Variants in RPL3L observed in about 807,000 individuals in gnomAD.
RPL3L encodes the protein ribosomal protein uL3-like.
Under a neutral mutation model 44.5 loss-of-function variants are expected in RPL3L, and 44 were observed. The ratio of observed to expected loss-of-function variants is 0.99; its 90% CI spans 0.78 to 1.27. RPL3L has a LOEUF of 1.27. Ranked by LOEUF, RPL3L falls within the 50% of genes most tolerant of loss-of-function variation. The pLI is 0.00. For missense variants in RPL3L, 631 were observed against 569.1 expected, an observed-to-expected ratio of 1.11 and a Z score of -1.11; for synonymous variants, 292 against 230.7, an observed-to-expected ratio of 1.27 and a Z score of -2.41.
intron 4 of RPL3L, among the ~76,000 whole-genome samples, chr16:1,948,707 TTTTG>T (rs1555481157): frequency 1.2e-3 from 165 of 142,606 alleles, no homozygotes; most frequent in African/African-American, 3.5e-3. Flanking sequence ...GTTGTTTTTT[TTTTG>T]TTTGTTTGTT....
chr16:1,953,975 C>A lies in RPL3L; in HGVS notation c.177G>T (p.Glu59Asp). The A allele has an allele frequency of 6.4e-7, 1 of 1,560,818 alleles. No individual in the cohort carries two copies. The highest frequency in any genetic ancestry group is 8.7e-7 in the Non-Finnish European group (1 of 1,149,402). ...ACTCACTGAGCCCCGGCCGGTGCAC[C>A]TCCCGCAGGGTGTGGGTCATGCCCG... ...YKAGMTHTLR[E>D]VHRPGLKISK... Residue 59 changes from glutamate (E) to aspartate (D), a missense_variant, in exon 2 of 10, where the codon GAG becomes GAT. Physicochemically the swap from Glu to Asp is conservative, Grantham distance 45. Transcript: ENST00000268661.
chr16:1,954,185 G>T (rs1210768365), intron 1 of RPL3L, 37 bp from the exon 2 acceptor site: 2 of 1,499,748 alleles, frequency 1.3e-6, no homozygotes, highest in Non-Finnish European at 1.8e-6. Flanking sequence ...GACCTGGGGT[G>T]TCCCTGGTGG....
In RPL3L at chr16:1,944,738, C is replaced by T. The variant is rs2083107197; in HGVS notation, c.*99G>A. 6.6e-7 allele frequency: 1 copy of T among 1,519,836 alleles called. No homozygotes were observed. Among genetic ancestry groups the T allele is most frequent in the Non-Finnish European group, 9.1e-7 (1 of 1,096,008 alleles). The allele number at this position is 1,519,836 out of a possible 1,614,324, so 94.1% of individuals were successfully genotyped here. A position where few individuals can be genotyped will look rare whatever the true frequency, so the allele number is the denominator to read the frequency against. The stretch of plus-strand genomic sequence containing the variant: ...AAGGTGAACCCCTTGGGCGGTTACA[C>T]AGCGCTCTGAGACCTCGCAGGAAGA... On this transcript the variant is annotated 3_prime_UTR_variant, in exon 10 of 10. Coordinates refer to ENST00000268661, the MANE Select transcript of RPL3L (RefSeq NM_005061.3).
intron 9 of RPL3L, 76 bp from the exon 10 acceptor site, chr16:1,944,969 A>C (rs2083109670): frequency 1.3e-6 from 2 of 1,592,574 alleles, no homozygotes; most frequent in Non-Finnish European, 8.6e-7. Flanking sequence ...CAGGCTCTAG[A>C]TCACTCAGGG....
At position 1,945,462 on chromosome 16, in the gene RPL3L, C is replaced by G. The variant is rs750739157; in HGVS notation, c.1167+37G>C. The G allele has an allele frequency of 5.0e-6, 8 of 1,585,340 alleles. No individual in the cohort carries two copies. In the East Asian group the frequency reaches 1.8e-4, roughly 36 times the overall value. Reference sequence around the variant, plus strand: ...GGGCAGGCTGGATGTGGAGCTGGAGCCCCAGAGAAGAACAAGGATGGGGGC... The same window carrying G: ...GGGCAGGCTGGATGTGGAGCTGGAGGCCCAGAGAAGAACAAGGATGGGGGC... On this transcript the variant is annotated intron_variant, in intron 9 of 9. Transcript: ENST00000268661.
In RPL3L at chr16:1,946,587, G is replaced by A. The variant is rs371384962; in HGVS notation, c.951+38C>T. On this transcript the variant is annotated intron_variant, in intron 7 of 9. Transcript: ENST00000268661. ...GACCCCACTCCAGCCATCATCAGCG[G>A]TGTGATGGGCCTGGCAGTCGCCCCC... is the stretch of plus-strand genomic sequence containing the variant. The A allele has an allele frequency of 6.3e-6, 10 of 1,593,046 alleles. No individual in the cohort carries two copies. The Admixed American group carries it at 8.4e-5, about 13-fold the overall frequency.
rs1236539691 is a variant in RPL3L, at chr16:1,946,931, G to C, written c.849+7C>G. Reference sequence around the variant, plus strand: ...ACAGTGTCCCCGTACCCCGGCTGAGGACGCACCTTCTTGTTGAGCTCCGTG... The same window carrying C: ...ACAGTGTCCCCGTACCCCGGCTGAGCACGCACCTTCTTGTTGAGCTCCGTG... On this transcript the variant is annotated splice_region_variant and intron_variant, in intron 6 of 9. Coordinates refer to ENST00000268661, the MANE Select transcript of RPL3L (RefSeq NM_005061.3). 6.3e-7 allele frequency: 1 copy of C among 1,595,756 alleles called. No individual in the cohort carries two copies. The highest frequency in any genetic ancestry group is 1.3e-5 in the African/African-American group (1 of 74,412).
chr16:1,950,747 G>A (rs1373131345), intron 4 of RPL3L, 97 bp downstream of exon 4: 14 of 1,587,028 alleles, frequency 8.8e-6, no homozygotes, highest in East Asian at 6.7e-5. Context: ...GCCGAGGCTC[G>A]GGTATTTTTA....
chr16:1,951,575 T>C (rs1334252557), intron 3 of RPL3L, among the ~76,000 whole-genome samples: 1 of 151,702 alleles, frequency 6.6e-6, no homozygotes, highest in Non-Finnish European at 1.5e-5. Context: ...TAGAGACGGG[T>C]TTCGTCATGT....
chr16:1,945,082 A>G (rs908681503), intron 9 of RPL3L, among the ~76,000 whole-genome samples, 189 bp from the exon 10 acceptor site: 2 of 151,676 alleles, frequency 1.3e-5, no homozygotes, highest in Admixed American at 1.3e-4. Context: ...CAGGCCGGGC[A>G]CGGTGGCTCA....
chr16:1,953,072 G>A (rs1340477942), intron 2 of RPL3L, 30 bp from the exon 3 acceptor site: 11 of 1,566,298 alleles, frequency 7.0e-6, no homozygotes, highest in East Asian at 4.5e-5. Flanking sequence ...GGGGCATGAA[G>A]GGGGACCTCC....
At position 1,947,100 on chromosome 16, in the gene RPL3L, T is replaced by C. The variant is rs1005853609; in HGVS notation, c.689-2A>G. On this transcript the variant is annotated splice_acceptor_variant, in intron 5 of 9. Coordinates refer to ENST00000268661, the MANE Select transcript of RPL3L (RefSeq NM_005061.3). LOFTEE classifies it high-confidence loss of function. ...TGGTATGCCAGCGGCTTGTGACCCC[T>C]GTGAGTGAGAGGGGCTGGTGGCTGA... The C allele has an allele frequency of 5.0e-6, 8 of 1,613,334 alleles. No individual in the cohort carries two copies. In the South Asian group the frequency reaches 6.6e-5, roughly 13 times the overall value.
At chr16:1,951,437 A>G (rs1023071674) in intron 3 of RPL3L, among the ~76,000 whole-genome samples, 4 of 152,002 alleles carry the variant, frequency 2.6e-5, no homozygotes, top group Non-Finnish European at 5.9e-5. Context: ...GCTGGAGTGC[A>G]GTGGCACAAA....
At chr16:1,951,044 C>T in intron 3 of RPL3L, 65 bp from the exon 4 acceptor site, 4 of 1,571,858 alleles carry the variant, frequency 2.5e-6, no homozygotes, top group Admixed American at 3.6e-5. Context: ...GCCTATCCTG[C>T]CCCCACCTCA....
At chr16:1,947,974 A>G (rs374275815) in intron 4 of RPL3L, among the ~76,000 whole-genome samples, 353 of 125,398 alleles carry the variant, frequency 2.8e-3, no homozygotes, top group Non-Finnish European at 3.9e-3. Flanking sequence ...GTCTCGCTCT[A>G]TCGCCCAGGC....
At chr16:1,953,418 C>T (rs968397626) in intron 2 of RPL3L, among the ~76,000 whole-genome samples, 2 of 152,102 alleles carry the variant, frequency 1.3e-5, no homozygotes, top group African/African-American at 4.8e-5. Context: ...TAGGGTTTCA[C>T]GATGCCGTCC....
intron 3 of RPL3L, 63 bp downstream of exon 3, chr16:1,952,811 T>TC: frequency 1.3e-6 from 2 of 1,587,510 alleles, no homozygotes. Flanking sequence ...AGCTAGAGCC[T>TC]CAGGCACCCA....
chr16:1,947,535 C>T (rs1567309779), intron 4 of RPL3L, among the ~76,000 whole-genome samples, 155 bp from the exon 5 acceptor site: 1 of 152,236 alleles, frequency 6.6e-6, no homozygotes, highest in Non-Finnish European at 1.5e-5. Flanking sequence ...TTGTGCTAGG[C>T]ACTGCGGATC....
intron 4 of RPL3L, among the ~76,000 whole-genome samples, chr16:1,950,129 C>A (rs1401092529): frequency 1.9e-5 from 1 of 53,730 alleles, no homozygotes; most frequent in Admixed American, 2.5e-4. Flanking sequence ...ATGTAGGGGG[C>A]AGGTATGGAC....
Sources: gnomAD v4.1 joint callset for allele counts (sites outside exome capture counted in the v4.1 genomes callset) on GRCh38, gnomAD v4.1.1 for gene constraint, MANE v1.5 for transcripts, NCBI Gene and HGNC (gene_info 2026-07-23, HGNC 2026-07-21) for gene names.